Variants in PWWP2A observed in about 807,000 individuals in gnomAD.
PWWP2A encodes the protein PWWP domain containing 2A.
In PWWP2A, 18 loss-of-function variants were observed where a neutral mutation model predicts 48.5. The ratio of observed to expected loss-of-function variants is 0.37; its 90% CI spans 0.26 to 0.55. PWWP2A has a LOEUF of 0.55. Among genes scored for constraint, PWWP2A ranks in the 20% least tolerant of loss-of-function variants. The probability of loss-of-function intolerance (pLI) is 0.81; values close to 1 mark genes in which losing one functional copy is unlikely to be tolerated. For missense variants in PWWP2A, 867 were observed against 976.4 expected, an observed-to-expected ratio of 0.89 and a Z score of 1.49; for synonymous variants, 396 against 387.7, an observed-to-expected ratio of 1.02 and a Z score of -0.25.
At chr5:160,088,364 C>G (rs1025087918), downstream of PWWP2A, among the ~76,000 whole-genome samples, 11 of 152,202 alleles carry the variant, frequency 7.2e-5, no homozygotes, top group Non-Finnish European at 1.2e-4. Context: ...TCTCGAGTAG[C>G]TGGGATTACA....
At chr5:160,095,686 CTTTTT>C (rs11358268) in intron 1 of PWWP2A, among the ~76,000 whole-genome samples, 1 of 100,304 alleles carries the variant, frequency 1.0e-5, no homozygotes, top group Non-Finnish European at 1.9e-5. Flanking sequence ...CCGAAATGTT[CTTTTT>C]TTTTTTTTTT....
intron 1 of PWWP2A, among the ~76,000 whole-genome samples, chr5:160,097,706 T>TG (rs35915060): frequency 0.51 from 54,908 of 107,270 alleles, 14,714 homozygotes; most frequent in Non-Finnish European, 0.56. Flanking sequence ...GTTTTTTTTT[T>TG]GGGGGGGGGG....
chr5:160,090,711 AACT>A, downstream of PWWP2A: 1 of 952,976 alleles, frequency 1.0e-6, no homozygotes, highest in Non-Finnish European at 1.2e-6. Context: ...GTTCCATAGT[AACT>A]ACTTCAAATT....
chr5:160,100,947 G>A (rs1756213611), intron 1 of PWWP2A, among the ~76,000 whole-genome samples: 1 of 152,238 alleles, frequency 6.6e-6, no homozygotes, highest in East Asian at 1.9e-4. Context: ...GAAGGTGGAA[G>A]CAACCCAAGT....
intron 1 of PWWP2A, among the ~76,000 whole-genome samples, chr5:160,113,729 C>T (rs1238181008): frequency 6.6e-6 from 1 of 152,156 alleles, no homozygotes; most frequent in Non-Finnish European, 1.5e-5. Context: ...CTGCTTGGCT[C>T]CAACAACTAT....
intron 1 of PWWP2A, chr5:160,113,214 T>C (rs1757772093): frequency 3.1e-6 from 3 of 982,468 alleles, no homozygotes; most frequent in South Asian, 4.7e-5. Flanking sequence ...GTCAATAATT[T>C]ACTATTTAGT....
the PWWP2A span, among the ~76,000 whole-genome samples, chr5:160,050,519 T>C: frequency 2.6e-5 from 4 of 152,156 alleles, no homozygotes; most frequent in African/African-American, 9.7e-5. Flanking sequence ...ACATCTGATA[T>C]GTATCCTTTC....
chr5:160,086,009 G>T (rs777317742), intron 2 of PWWP2A, among the ~76,000 whole-genome samples: 5 of 151,354 alleles, frequency 3.3e-5, no homozygotes, highest in African/African-American at 1.2e-4. Context: ...AATAGAGACG[G>T]GGTTTCACCA....
At chr5:160,045,487 CACACACACACACACACACACACACACA>C in the PWWP2A span, among the ~76,000 whole-genome samples, 1 of 122,062 alleles carries the variant, frequency 8.2e-6, no homozygotes, top group Non-Finnish European at 1.7e-5. Context: ...CACACACACA[CACACACACACACACACACACACACACA>C]TACACACTCT....
chr5:160,078,822 C>A lies in PWWP2A; in HGVS notation c.1670-654G>T, dbSNP rs1754030538. 6.6e-6 allele frequency among the ~76,000 whole-genome samples: 1 copy of A among 152,176 alleles called. No individual in the cohort carries two copies. Among genetic ancestry groups the A allele is most frequent in the Non-Finnish European group, 1.5e-5 (1 of 68,032 alleles). On this transcript the variant is annotated intron_variant, in intron 3 of 3. Coordinates refer to the PWWP2A transcript ENST00000456329. The surrounding 1 kb of genome is among the most constrained non-coding windows in gnomAD (Gnocchi z 4.2). ...GACGGACCAGTATCCCTTGTTACAC[C>A]AGCAAACGTGATTCTCAGCAGAGGC...
chr5:160,089,478 C>A, downstream of PWWP2A: 2 of 1,196,510 alleles, frequency 1.7e-6, no homozygotes, highest in South Asian at 1.4e-5. Context: ...TTCCAAACTT[C>A]TAGGAATATG....
intron 1 of PWWP2A, chr5:160,117,812 T>C: frequency 3.4e-6 from 3 of 894,384 alleles, no homozygotes; most frequent in Non-Finnish European, 4.0e-6. Flanking sequence ...GCAAGCAAGT[T>C]TAAGAGTAAA....
chr5:160,070,200 C>T (rs1753709558), intron 2 of PWWP2A, among the ~76,000 whole-genome samples: 1 of 152,152 alleles, frequency 6.6e-6, no homozygotes, highest in South Asian at 2.1e-4. Context: ...GGTGCAGTGG[C>T]TCACACCTGT....
chr5:160,100,566 C>T (rs1221465204), intron 1 of PWWP2A, among the ~76,000 whole-genome samples: 6 of 151,728 alleles, frequency 4.0e-5, no homozygotes, highest in East Asian at 1.9e-4. Flanking sequence ...CAGGAGTTCA[C>T]GACCAGCCTG....
At chr5:160,084,859 AC>A (rs1754505854) in intron 2 of PWWP2A, among the ~76,000 whole-genome samples, 1 of 152,060 alleles carries the variant, frequency 6.6e-6, no homozygotes, top group African/African-American at 2.4e-5. Flanking sequence ...AAATTTTTCC[AC>A]AGGCAATAAA....
Position 160,092,673 on chromosome 5 carries a change from A to G in PWWP2A, c.1977T>C (p.Val659=). Residue 659 remains valine (V), a synonymous_variant, in exon 2 of 2, where the codon GTT becomes GTC. Transcript: ENST00000307063. Reference sequence around the variant, plus strand: ...AAGGGAAGCCATATATCTTGGCCCAAACAATGTCCCCTACACATATGGTCC... The same window carrying G: ...AAGGGAAGCCATATATCTTGGCCCAGACAATGTCCCCTACACATATGGTCC... The part of the protein sequence containing the change: ...DGRTICVGDI[V]WAKIYGFPWW... 1 of 1,551,708 alleles carries G rather than the reference A, an allele frequency of 6.4e-7. No individual in the cohort carries two copies. The highest frequency in any genetic ancestry group is 8.7e-7 in the Non-Finnish European group (1 of 1,146,988).
chr5:160,099,733 A>T (rs1321711589), intron 1 of PWWP2A, among the ~76,000 whole-genome samples: 1 of 150,642 alleles, frequency 6.6e-6, no homozygotes, highest in East Asian at 2.0e-4. Flanking sequence ...GCTAGAGCGC[A>T]GTGGCCTGAT....
At chr5:160,045,550 T>TCTCC in the PWWP2A span, among the ~76,000 whole-genome samples, 3 of 119,074 alleles carry the variant, frequency 2.5e-5, no homozygotes, top group Middle Eastern at 4.1e-3. Context: ...TCTCTCTCTC[T>TCTCC]CTCCCCCTCC....
At chr5:160,045,511 CACA>C in the PWWP2A span, among the ~76,000 whole-genome samples, 64 of 62,668 alleles carry the variant, frequency 1.0e-3, 1 homozygote, top group African/African-American at 1.2e-3. Flanking sequence ...CACACACACA[CACA>C]TACACACTCT....
Sources: allele counts gnomAD v4.1 joint callset (sites outside exome capture counted in the v4.1 genomes callset), GRCh38; gene constraint gnomAD v4.1.1; non-coding constraint Gnocchi (gnomAD v3.1); transcripts MANE v1.5; gene names NCBI Gene and HGNC (gene_info 2026-07-23, HGNC 2026-07-21).